The following CAST variants were observed in gnomAD, a reference collection of about 807,000 sequenced individuals.
CAST encodes the protein calpastatin, also known as MIR583 host.
Under a neutral mutation model 119.6 loss-of-function variants are expected in CAST, and 76 were observed. The ratio of observed to expected loss-of-function variants is 0.64; its 90% confidence interval spans 0.53 to 0.77. The LOEUF is 0.77. Ranked by LOEUF, CAST falls within the 30% of genes least tolerant of loss-of-function variation. CAST has a pLI of 0.00. For synonymous variants in CAST, 319 were observed against 331.6 expected (o/e 0.96, Z 0.41); for missense variants, 953 against 946.5 (o/e 1.01, Z -0.09).
chr5:96,156,284 G>A, the CAST span, among the ~76,000 whole-genome samples: 1 of 152,180 alleles, frequency 6.6e-6, no homozygotes, highest in Non-Finnish European at 1.5e-5. Flanking sequence ...TATGGGCTTA[G>A]GGGTAATTCA....
At chr5:96,355,861 C>T in the CAST span, among the ~76,000 whole-genome samples, 1 of 152,032 alleles carries the variant, frequency 6.6e-6, no homozygotes, top group Non-Finnish European at 1.5e-5. Flanking sequence ...ACCACCACGC[C>T]CAGCTAATTT....
chr5:96,262,583 G>A, the CAST span, among the ~76,000 whole-genome samples: 3 of 152,144 alleles, frequency 2.0e-5, 1 homozygote, highest in Admixed American at 2.0e-4. Context: ...AAGCTGGAGT[G>A]CAGTGGTGCA....
chr5:96,753,914 A>G (rs761119534), intron 20 of CAST, 146 bp from the exon 21 acceptor site: 3 of 593,240 alleles, frequency 5.1e-6, no homozygotes, highest in Non-Finnish European at 9.3e-6. Flanking sequence ...TTAAACATAG[A>G]TTCTAATTCA....
chr5:96,742,435 C>T (rs1305268102), intron 15 of CAST: 5 of 525,520 alleles, frequency 9.5e-6, no homozygotes, highest in African/African-American at 1.9e-5. Context: ...CCAGAGAACG[C>T]TGTTACTGTA....
chr5:96,180,368 C>T, the CAST span, among the ~76,000 whole-genome samples: 26,972 of 152,064 alleles, frequency 0.18, 4,163 homozygotes, highest in African/African-American at 0.41. Flanking sequence ...GTGAAACAAG[C>T]TTAAAGTTGT....
the CAST span, among the ~76,000 whole-genome samples, chr5:96,235,794 T>C: frequency 6.6e-6 from 1 of 152,120 alleles, no homozygotes; most frequent in Non-Finnish European, 1.5e-5. Context: ...CCTCTGAAAA[T>C]CCTTCTGTTT....
At chr5:96,625,196 CAT>C (rs1747697575) in intron 1 of CAST, among the ~76,000 whole-genome samples, 1 of 152,126 alleles carries the variant, frequency 6.6e-6, no homozygotes, top group African/African-American at 2.4e-5. Flanking sequence ...ACAAAACAAA[CAT>C]CTGTTTAGGA....
At chr5:96,671,946 A>G (rs1750132377) in intron 1 of CAST, among the ~76,000 whole-genome samples, 3 of 152,238 alleles carry the variant, frequency 2.0e-5, no homozygotes, top group African/African-American at 4.8e-5. Flanking sequence ...GTGAAAAGAT[A>G]CAATTGACTT....
At chr5:96,054,628 A>G in the CAST span, among the ~76,000 whole-genome samples, 4 of 152,186 alleles carry the variant, frequency 2.6e-5, no homozygotes, top group Admixed American at 1.3e-4. Context: ...ATCTATAAAA[A>G]TGGAGATAAT....
At chr5:96,515,586 T>G in the CAST span, among the ~76,000 whole-genome samples, 11 of 152,228 alleles carry the variant, frequency 7.2e-5, 1 homozygote, top group South Asian at 2.3e-3. Context: ...CAGTAATATT[T>G]CTGTTTTCTC....
intron 1 of CAST, among the ~76,000 whole-genome samples, chr5:96,624,952 G>A (rs1747690585): frequency 6.6e-6 from 1 of 152,170 alleles, no homozygotes; most frequent in Non-Finnish European, 1.5e-5. Flanking sequence ...AAGTGTCCTT[G>A]GCATTGTTGC....
the CAST span, among the ~76,000 whole-genome samples, chr5:96,261,467 A>C: frequency 6.6e-6 from 1 of 152,344 alleles, no homozygotes; most frequent in African/African-American, 2.4e-5. Flanking sequence ...AAGGCTATAC[A>C]TGATGCAGAA....
In CAST at chr5:96,738,945, A is replaced by AT. The variant is rs1383362362; in HGVS notation, c.798+998_798+999insT. Among the ~76,000 whole-genome samples, 3 of 152,080 alleles carry AT rather than the reference A, an allele frequency of 2.0e-5. No homozygotes were observed. The East Asian group carries it at 5.8e-4, about 29-fold the overall frequency. On this transcript the variant is annotated intron_variant, in intron 11 of 31. Coordinates refer to ENST00000675179, the MANE Select transcript of CAST (RefSeq NM_001750.7). ...GATGAGACTCCATCTCAAAAAAAAAAAAAAAAAGACACGCCATAGGCTAGA... is the reference window on the plus strand; with the variant it reads ...GATGAGACTCCATCTCAAAAAAAAAATAAAAAAAGACACGCCATAGGCTAGA...
the CAST span, among the ~76,000 whole-genome samples, chr5:96,137,747 T>C: frequency 2.6e-5 from 4 of 152,130 alleles, no homozygotes; most frequent in African/African-American, 7.2e-5. Flanking sequence ...TGACAAATTA[T>C]GTTGAGCAAT....
intron 1 of CAST, among the ~76,000 whole-genome samples, chr5:96,622,553 G>C (rs1747633001): frequency 6.6e-6 from 1 of 152,094 alleles, no homozygotes; most frequent in Admixed American, 6.5e-5. Context: ...GATCACTATA[G>C]CTGAAGATCT....
chr5:96,213,028 A>T, the CAST span, among the ~76,000 whole-genome samples: 6 of 152,154 alleles, frequency 3.9e-5, no homozygotes, highest in Non-Finnish European at 8.8e-5. Context: ...CTGAGGCAGG[A>T]GGATTGCTTC....
chr5:96,429,090 T>C, the CAST span: 3 of 640,688 alleles, frequency 4.7e-6, no homozygotes, highest in Non-Finnish European at 8.3e-6. Flanking sequence ...ATAATACAGA[T>C]AAACAATCTT....
At chr5:96,148,447 T>C in the CAST span, among the ~76,000 whole-genome samples, 1 of 152,228 alleles carries the variant, frequency 6.6e-6, no homozygotes, top group East Asian at 1.9e-4. Flanking sequence ...CTTCATAAGC[T>C]TTTTCACCAC....
At chr5:96,211,984 T>G in the CAST span, among the ~76,000 whole-genome samples, 1 of 152,132 alleles carries the variant, frequency 6.6e-6, no homozygotes, top group Non-Finnish European at 1.5e-5. Context: ...TATTCCCTGT[T>G]GTATTAGTAT....
Sources: allele counts gnomAD v4.1 joint callset (sites outside exome capture counted in the v4.1 genomes callset), GRCh38; gene constraint gnomAD v4.1.1; transcripts MANE v1.5; gene names NCBI Gene and HGNC (gene_info 2026-07-23, HGNC 2026-07-21).